The following RNLS variants were observed in gnomAD, a reference collection of about 807,000 sequenced individuals.
RNLS encodes the protein renalase, FAD dependent amine oxidase, also known as renalase.
Under a neutral mutation model 39.8 loss-of-function variants are expected in RNLS, and 39 were observed. That is an observed-to-expected ratio of 0.98 (90% confidence interval 0.76 to 1.28). The LOEUF (loss-of-function observed/expected upper bound fraction) is 1.28. RNLS is among the 50% of genes most tolerant of loss of function. The pLI, the probability that RNLS is intolerant of heterozygous loss-of-function variation, is 0.00. For synonymous variants in RNLS, 147 were observed against 150.7 expected (o/e 0.98, Z 0.18); for missense variants, 410 against 413.3 (o/e 0.99, Z 0.07).
intron 6 of RNLS, among the ~76,000 whole-genome samples, chr10:88,276,676 A>G (rs1323288893): frequency 6.6e-6 from 1 of 152,200 alleles, no homozygotes; most frequent in Non-Finnish European, 1.5e-5. Flanking sequence ...ATCGTATGTC[A>G]TAATAGCAGA....
intron 3 of RNLS, among the ~76,000 whole-genome samples, chr10:88,574,110 C>T (rs1469388491): frequency 1.3e-5 from 2 of 152,154 alleles, no homozygotes; most frequent in South Asian, 4.1e-4. Flanking sequence ...CACTACCCTC[C>T]AGCCTAGGCA....
the RNLS span, among the ~76,000 whole-genome samples, chr10:88,237,835 A>G: frequency 1.3e-5 from 2 of 152,256 alleles, no homozygotes; most frequent in African/African-American, 4.8e-5. Context: ...ATTAAATAAT[A>G]AAACAGAATT....
chr10:88,310,910 T>C (rs1033190921), intron 6 of RNLS, among the ~76,000 whole-genome samples: 1 of 151,236 alleles, frequency 6.6e-6, no homozygotes, highest in Non-Finnish European at 1.5e-5. Flanking sequence ...AGAAGATAAC[T>C]GATTTCTAAT....
intron 4 of RNLS, among the ~76,000 whole-genome samples, chr10:88,376,472 AT>A (rs1851008677): frequency 6.6e-6 from 1 of 152,136 alleles, no homozygotes; most frequent in African/African-American, 2.4e-5. Flanking sequence ...TAACTTTTTA[AT>A]TTGCTAACTT....
At chr10:88,191,008 G>A in the RNLS span, among the ~76,000 whole-genome samples, 1 of 152,236 alleles carries the variant, frequency 6.6e-6, no homozygotes, top group Non-Finnish European at 1.5e-5. Context: ...ATTGGAAGGG[G>A]AGGCACAGAA....
the RNLS span, among the ~76,000 whole-genome samples, chr10:88,231,643 G>A: frequency 6.6e-6 from 1 of 152,200 alleles, no homozygotes; most frequent in Non-Finnish European, 1.5e-5. Context: ...TGACCTTTGG[G>A]GACAGAAGTG....
intron 4 of RNLS, among the ~76,000 whole-genome samples, chr10:88,446,537 G>T (rs573026290): frequency 6.6e-6 from 1 of 152,074 alleles, no homozygotes; most frequent in Admixed American, 6.6e-5. Flanking sequence ...CAGATTTTTT[G>T]AAATGATCAA....
At chr10:88,274,654 G>T (rs1262268595) in exon 7 of RNLS, 3 of 284,530 alleles carry the variant, frequency 1.1e-5, no homozygotes, top group Non-Finnish European at 2.1e-5. Context: ...TGTGAACATT[G>T]GTGTACAAAT....
intron 4 of RNLS, among the ~76,000 whole-genome samples, chr10:88,411,726 G>A (rs2133703098): frequency 6.6e-6 from 1 of 152,210 alleles, no homozygotes; most frequent in Middle Eastern, 3.4e-3. Context: ...AAAACATAAT[G>A]TATGCATTAG....
chr10:88,265,329 T>C, the RNLS span, among the ~76,000 whole-genome samples: 9 of 131,086 alleles, frequency 6.9e-5, no homozygotes, highest in East Asian at 2.0e-4. Context: ...TTTTCTTTTT[T>C]TTTTTTTTTT....
At chr10:88,351,790 T>C (rs1267844849) in intron 5 of RNLS, among the ~76,000 whole-genome samples, 8 of 152,250 alleles carry the variant, frequency 5.3e-5, no homozygotes, top group Non-Finnish European at 1.0e-4. Flanking sequence ...TAAATTACCT[T>C]GGGCAGTATG....
At chr10:88,359,141 C>T (rs1202987007) in intron 5 of RNLS, among the ~76,000 whole-genome samples, 1 of 151,912 alleles carries the variant, frequency 6.6e-6, no homozygotes, top group Non-Finnish European at 1.5e-5. Context: ...GGTGAAGCCC[C>T]GTCTCTACTA....
chr10:88,254,435 A>G, the RNLS span, among the ~76,000 whole-genome samples: 8 of 152,122 alleles, frequency 5.3e-5, no homozygotes, highest in Non-Finnish European at 8.8e-5. Flanking sequence ...AGGAGTGGAG[A>G]AGTGGGTTTT....
chr10:88,576,545 A>G (rs998514696), intron 3 of RNLS, among the ~76,000 whole-genome samples: 2 of 152,182 alleles, frequency 1.3e-5, no homozygotes, highest in African/African-American at 4.8e-5. Context: ...AACCATCTCT[A>G]ACTGACTACA....
intron 5 of RNLS, among the ~76,000 whole-genome samples, chr10:88,348,615 T>A (rs561377266): frequency 2.6e-5 from 4 of 152,316 alleles, no homozygotes; most frequent in Admixed American, 2.6e-4. Flanking sequence ...GCTGTAGACT[T>A]AACCTTTTGC....
chr10:88,482,295 ATGT>A (rs1265956847), intron 4 of RNLS, among the ~76,000 whole-genome samples: 12 of 152,040 alleles, frequency 7.9e-5, no homozygotes, highest in African/African-American at 2.9e-4. Context: ...GGTACACTCA[ATGT>A]TGTCCCACTG....
chr10:88,299,553 A>T (rs1177155786), intron 6 of RNLS, among the ~76,000 whole-genome samples: 4 of 152,230 alleles, frequency 2.6e-5, no homozygotes, highest in African/African-American at 9.6e-5. Context: ...TGACCCCGTG[A>T]GGTGGAGGTT....
At chr10:88,286,171 C>T (rs796733653) in intron 6 of RNLS, among the ~76,000 whole-genome samples, 48 of 152,254 alleles carry the variant, frequency 3.2e-4, no homozygotes, top group African/African-American at 1.1e-3. Flanking sequence ...CTCCACTACT[C>T]CTCATCCCAT....
chr10:88,431,376 G>A (rs535850129), intron 4 of RNLS, among the ~76,000 whole-genome samples: 4 of 151,614 alleles, frequency 2.6e-5, no homozygotes, highest in Non-Finnish European at 5.9e-5. Context: ...TTCATGATCA[G>A]TCTGGCTAGA....
Sources: allele counts gnomAD v4.1 joint callset (sites outside exome capture counted in the v4.1 genomes callset), GRCh38; gene constraint gnomAD v4.1.1; transcripts MANE v1.5; gene names NCBI Gene and HGNC (gene_info 2026-07-23, HGNC 2026-07-21).